The following NPTX2 variants were observed in gnomAD, a reference collection of about 807,000 sequenced individuals.
The protein encoded by NPTX2 is neuronal pentraxin 2.
A neutral mutation model predicts 38.1 loss-of-function variants in NPTX2; 23 were observed. The observed-to-expected ratio is 0.60, with a 90% confidence interval of 0.43 to 0.85. NPTX2 has a LOEUF of 0.85. NPTX2 is among the 40% of genes least tolerant of loss of function. NPTX2 has a pLI of 0.00. For synonymous variants in NPTX2, 291 were observed against 287.3 expected (o/e 1.01, Z -0.13); for missense variants, 553 against 615.3 (o/e 0.90, Z 1.07).
At chr7:98,626,539 G>A (rs1489052768) in intron 3 of NPTX2, among the ~76,000 whole-genome samples, 3 of 152,188 alleles carry the variant, frequency 2.0e-5, no homozygotes, top group Non-Finnish European at 2.9e-5. Context: ...GGGTTTGGAC[G>A]GCTTGTAAAC....
intron 2 of NPTX2, among the ~76,000 whole-genome samples, chr7:98,621,676 G>A (rs1327207885): frequency 6.6e-6 from 1 of 152,172 alleles, no homozygotes; most frequent in Non-Finnish European, 1.5e-5. Context: ...GGCCTTGGTG[G>A]GGGAACTCTG....
In NPTX2 at chr7:98,622,859, C is replaced by T. The variant is rs541879876; in HGVS notation, c.644-2063C>T. On this transcript the variant is annotated intron_variant, in intron 2 of 4. Coordinates refer to ENST00000265634, the MANE Select transcript of NPTX2 (RefSeq NM_002523.3). ...TTGGCAGATATGAGTACATGCAACA[C>T]GTGAAGCCCAGATTCTAGAATGTAC... Among the ~76,000 whole-genome samples the T allele has an allele frequency of 5.9e-5, 9 of 152,272 alleles. No individual in the cohort carries two copies. The East Asian group carries it at 1.7e-3, about 29-fold the overall frequency.
At chr7:98,626,699 C>T (rs773873873) in intron 3 of NPTX2, among the ~76,000 whole-genome samples, 11 of 152,156 alleles carry the variant, frequency 7.2e-5, no homozygotes, top group African/African-American at 2.7e-4. Context: ...TCACGCTGTC[C>T]GTGAGTTCCC....
chr7:98,618,595 T>TCCCC (rs1221869556), intron 1 of NPTX2, among the ~76,000 whole-genome samples: 18 of 29,114 alleles, frequency 6.2e-4, no homozygotes, highest in African/African-American at 1.1e-3. Context: ...TCCCCCTCCG[T>TCCCC]CCCCCCCCCC....
rs953751971 is a variant in NPTX2, at chr7:98,629,528, G to A, written c.*899G>A. On this transcript the variant is annotated 3_prime_UTR_variant, in exon 5 of 5. Transcript: ENST00000265634. ...CCGCCCCACTGTGAAGAGTGTGCTC[G>A]TTTTAAATTCATGTTGATTCTTGTA... 6.6e-5 allele frequency: 10 copies of A among 152,244 alleles called. No individual in the cohort carries two copies. Among genetic ancestry groups the A allele is most frequent in the Admixed American group, 1.3e-4 (2 of 15,250 alleles). 9.4% of individuals were successfully genotyped at this position (152,244 alleles called of 1,614,324 possible). A position where few individuals can be genotyped will look rare whatever the true frequency, so the allele number is the denominator to read the frequency against.
chr7:98,624,791 C>A, intron 2 of NPTX2, 131 bp from the exon 3 acceptor site: 1 of 1,167,898 alleles, frequency 8.6e-7, no homozygotes, highest in Non-Finnish European at 1.2e-6. Context: ...TCTTTGGTCG[C>A]TTGCTGGAGG....
chr7:98,628,782 C>CT lies in NPTX2; in HGVS notation c.*154dup, dbSNP rs1791395519. On this transcript the variant is annotated 3_prime_UTR_variant, in exon 5 of 5. Transcript: ENST00000265634. ...TCTAAGACCAGGGCTGGGGCAGTGT[C>CT]TGTCACTGGCTTGTTTGTTCCCTAC... The CT allele has an allele frequency of 4.0e-6, 2 of 501,850 alleles. No individual in the cohort carries two copies. Among genetic ancestry groups the CT allele is most frequent in the Middle Eastern group, 4.4e-4 (1 of 2,278 alleles). The allele number at this position is 501,850 out of a possible 1,614,324, so 31.1% of individuals were successfully genotyped here.
intron 2 of NPTX2, among the ~76,000 whole-genome samples, chr7:98,621,107 T>C (rs56406303): frequency 0.031 from 4,688 of 152,160 alleles, 177 homozygotes; most frequent in African/African-American, 0.087. Context: ...CTGCACCTCC[T>C]CCTTCTCTTT....
intron 4 of NPTX2, among the ~76,000 whole-genome samples, chr7:98,628,051 TG>T (rs1791382987): frequency 6.6e-6 from 1 of 152,072 alleles, no homozygotes; most frequent in African/African-American, 2.4e-5. Flanking sequence ...CCAGGTGCAC[TG>T]GGGGGCTTTG....
intron 2 of NPTX2, 83 bp downstream of exon 2, chr7:98,619,942 C>G: frequency 8.0e-7 from 1 of 1,245,666 alleles, no homozygotes; most frequent in East Asian, 2.5e-5. Flanking sequence ...GGTTGATGGA[C>G]AGCAGGGATT....
intron 4 of NPTX2, 112 bp downstream of exon 4, chr7:98,627,456 C>T (rs1791371501): frequency 4.7e-6 from 4 of 847,200 alleles, no homozygotes; most frequent in Non-Finnish European, 7.3e-6. Context: ...CAGCACGAGG[C>T]CAGGCCTGCA....
At chr7:98,618,609 C>A (rs1288234835) in intron 1 of NPTX2, among the ~76,000 whole-genome samples, 1 of 127,498 alleles carries the variant, frequency 7.8e-6, no homozygotes, top group Non-Finnish European at 1.7e-5. Flanking sequence ...CCCCCCCCGC[C>A]CCCCGCTCCC....
intron 3 of NPTX2, among the ~76,000 whole-genome samples, chr7:98,626,173 C>CCA (rs1791346663): frequency 6.7e-6 from 1 of 149,650 alleles, no homozygotes; most frequent in Admixed American, 6.6e-5. Flanking sequence ...AAAAAAAGGC[C>CCA]ACTTTGGGCC....
intron 2 of NPTX2, among the ~76,000 whole-genome samples, chr7:98,623,253 C>T (rs962271620): frequency 5.9e-5 from 9 of 152,152 alleles, no homozygotes; most frequent in Admixed American, 3.9e-4. Flanking sequence ...ATAAGAGGGC[C>T]GCCTTTGCCA....
Position 98,619,772 on chromosome 7 carries a change from C to A in NPTX2, c.556C>A (p.Leu186Met). The A allele has an allele frequency of 6.2e-7, 1 of 1,613,754 alleles. No homozygotes were observed. The highest frequency in any genetic ancestry group is 8.5e-7 in the Non-Finnish European group (1 of 1,180,048). ...GGCAGAGCTGGAGGACGAGAAGTCCCTGCTGCACAATGAGACCTCGGCTCA... is the reference window on the plus strand; with the variant it reads ...GGCAGAGCTGGAGGACGAGAAGTCCATGCTGCACAATGAGACCTCGGCTCA... ...KVAELEDEKS[L>M]LHNETSAHRQ... Residue 186 changes from leucine to methionine, a missense_variant, in exon 2 of 5, where the codon CTG becomes ATG. By Grantham distance (15) the Leu-to-Met change is conservative. Coordinates refer to ENST00000265634, the MANE Select transcript of NPTX2 (RefSeq NM_002523.3).
At position 98,627,248 on chromosome 7, in the gene NPTX2, G is replaced by A; in HGVS notation, c.972G>A (p.Glu324=). 6.2e-7 allele frequency: 1 copy of A among 1,613,542 alleles called. No individual in the cohort carries two copies. The highest frequency in any genetic ancestry group is 1.7e-5 in the Admixed American group (1 of 60,034). ...VTWTTRDGMW[E]AFQDGEKLGT... is the part of the protein sequence containing the mutation. ...GGACGACACGGGATGGCATGTGGGAGGCATTCCAGGACGGAGAGAAGCTGG... is the reference window on the plus strand; with the variant it reads ...GGACGACACGGGATGGCATGTGGGAAGCATTCCAGGACGGAGAGAAGCTGG... The change falls in exon 4 of 5, where the codon GAG becomes GAA. Residue 324 remains glutamate, a synonymous_variant. Transcript: ENST00000265634.
chr7:98,622,603 G>A (rs537362883), intron 2 of NPTX2, among the ~76,000 whole-genome samples: 2 of 152,302 alleles, frequency 1.3e-5, no homozygotes, highest in South Asian at 2.1e-4. Context: ...CTGAGCCTCC[G>A]AGCCTCAACT....
rs1241950043 is a variant in NPTX2 at position 98,617,698 on chromosome 7, G to T, written c.237G>T (p.Ala79=). The change falls in exon 1 of 5, where the codon GCG becomes GCT. Residue 79 remains alanine, a synonymous_variant. Coordinates refer to ENST00000265634, the MANE Select transcript of NPTX2 (RefSeq NM_002523.3). ...TGCAGCAGAAGGAGACGCTGGGCGC[G>T]CAGCGCGAGGCCATCCGCGAGCTCA... ...TVVQQKETLG[A]QREAIRELTG... is the part of the protein sequence containing the mutation. The T allele has an allele frequency of 9.0e-6, 13 of 1,438,944 alleles. No homozygotes were observed. The highest frequency in any genetic ancestry group is 1.2e-5 in the Non-Finnish European group (13 of 1,107,560). 89.1% of individuals were successfully genotyped at this position (1,438,944 alleles called of 1,614,324 possible).
In NPTX2 at chr7:98,617,426, C is replaced by T; in HGVS notation, c.-36C>T. On this transcript the variant is annotated 5_prime_UTR_variant, in exon 1 of 5. Transcript: ENST00000265634. ...GCGGAGCGCCCCGACGGCGCCCGCTCGCCCATGCCGAGCTGAGCGCGGCAG... is the reference window on the plus strand; with the variant it reads ...GCGGAGCGCCCCGACGGCGCCCGCTTGCCCATGCCGAGCTGAGCGCGGCAG... The T allele has an allele frequency of 6.7e-6, 5 of 743,548 alleles. No homozygotes were observed. The highest frequency in any genetic ancestry group is 9.0e-6 in the Non-Finnish European group (5 of 556,768). 46.1% of individuals were successfully genotyped at this position (743,548 alleles called of 1,614,324 possible). A position where few individuals can be genotyped will look rare whatever the true frequency, so the allele number is the denominator to read the frequency against.
Sources: gnomAD v4.1 joint callset for allele counts (sites outside exome capture counted in the v4.1 genomes callset) on GRCh38, gnomAD v4.1.1 for gene constraint, MANE v1.5 for transcripts, NCBI Gene and HGNC (gene_info 2026-07-23, HGNC 2026-07-21) for gene names.